VWA8: variants seen among roughly 807,000 people sequenced by gnomAD.
The protein encoded by VWA8 is von Willebrand factor A domain containing 8, also known as von Willebrand factor A domain-containing protein 8.
VWA8 carries 221 observed loss-of-function variants against 241.5 expected under a neutral mutation model. The observed-to-expected ratio is 0.91, with a 90% confidence interval of 0.82 to 1.02. The LOEUF (loss-of-function observed/expected upper bound fraction) is 1.02, where lower values mean the gene tolerates loss of function less well. VWA8 is among the 50% of genes least tolerant of loss of function. The pLI, the probability that VWA8 is intolerant of heterozygous loss-of-function variation, is 0.00. For missense variants in VWA8, 2,322 were observed against 2,328.7 expected (o/e 1.00, Z 0.06); for synonymous variants, 852 against 827.1 (o/e 1.03, Z -0.52).
intron 17 of VWA8, among the ~76,000 whole-genome samples, chr13:41,796,234 T>G (rs1012243531): frequency 6.6e-6 from 1 of 152,182 alleles, no homozygotes; most frequent in East Asian, 1.9e-4. Flanking sequence ...AATTTCTATG[T>G]TTTCACCATT....
chr13:41,854,495 T>A (rs1872660102), intron 12 of VWA8, among the ~76,000 whole-genome samples: 2 of 149,698 alleles, frequency 1.3e-5, no homozygotes, highest in African/African-American at 2.4e-5. Flanking sequence ...TTATATTTAT[T>A]TTTATTTTAT....
intron 3 of VWA8, 103 bp from the exon 4 acceptor site, chr13:41,907,799 T>G: frequency 1.1e-6 from 1 of 917,650 alleles, no homozygotes. Flanking sequence ...AGAAGTGCAT[T>G]GTTAAACCTA....
chr13:41,828,001 T>A (rs566541995), intron 14 of VWA8, among the ~76,000 whole-genome samples: 35 of 152,344 alleles, frequency 2.3e-4, no homozygotes, highest in Middle Eastern at 3.4e-3. Flanking sequence ...TGACCCGTGA[T>A]TCACATGCAA....
chr13:41,715,382 T>G (rs1555324669), intron 26 of VWA8, among the ~76,000 whole-genome samples: 1 of 152,012 alleles, frequency 6.6e-6, no homozygotes, highest in Non-Finnish European at 1.5e-5. Context: ...GAGCGACATA[T>G]AAATTTAAGA....
chr13:41,879,376 C>T (rs1021403862), intron 9 of VWA8, among the ~76,000 whole-genome samples: 15 of 95,996 alleles, frequency 1.6e-4, no homozygotes, highest in African/African-American at 4.9e-4. Flanking sequence ...CTCATACATA[C>T]ACACATACAC....
chr13:41,573,474 T>TAA lies in VWA8; in HGVS notation c.5370+2264_5370+2265dup, dbSNP rs543021636. ...CTAGCACAACAGGGTGGCTATAGTT[T>TAA]AAAAAAAAAAAAATATATATATATA... is the stretch of plus-strand genomic sequence containing the variant. On this transcript the variant is annotated intron_variant, in intron 43 of 44. Transcript: ENST00000379310. Among the ~76,000 whole-genome samples, 138 of 126,706 alleles carry TAA rather than the reference T, an allele frequency of 1.1e-3. 2 individuals are homozygous for TAA. Among genetic ancestry groups the TAA allele is most frequent in the East Asian group, 6.9e-3 (32 of 4,610 alleles). 83.1% of individuals were successfully genotyped at this position (126,706 alleles called of 152,430 possible).
At position 41,699,184 on chromosome 13, in the gene VWA8, C is replaced by G. The variant is rs76787766; in HGVS notation, c.3451G>C (p.Val1151Leu). 2.5e-6 allele frequency: 4 copies of G among 1,613,816 alleles called. No homozygotes were observed. The African/African-American group carries it at 5.3e-5, about 22-fold the overall frequency. The change falls in exon 29 of 45, where the codon GTG becomes CTG. Residue 1151 changes from valine (V) to leucine (L), a missense_variant. Coordinates refer to ENST00000379310, the MANE Select transcript of VWA8 (RefSeq NM_015058.2). ...CTTGGGAAGATATCAAAAAAGTCCA[C>G]AAAGAAGCCACTTTTCCCAGTCATA... ...MNMTGKSGFF[V>L]DFFDIFPRTA...
chr13:41,953,122 T>C (rs1158663284), intron 1 of VWA8, among the ~76,000 whole-genome samples: 1 of 152,242 alleles, frequency 6.6e-6, no homozygotes, highest in Non-Finnish European at 1.5e-5. Context: ...TTAATAGCTT[T>C]AAGTAGCTCT....
chr13:41,801,102 T>C (rs1459171606), intron 17 of VWA8, among the ~76,000 whole-genome samples: 1 of 152,036 alleles, frequency 6.6e-6, no homozygotes, highest in African/African-American at 2.4e-5. Context: ...GTATTTTTAA[T>C]TTCTTAGATC....
chr13:41,882,664 C>T (rs1306221055), intron 9 of VWA8, among the ~76,000 whole-genome samples: 1 of 152,170 alleles, frequency 6.6e-6, no homozygotes. Flanking sequence ...ACCAGTCAGG[C>T]GTGGCGTCGC....
At chr13:41,815,891 G>A (rs937479896) in intron 16 of VWA8, among the ~76,000 whole-genome samples, 1 of 152,168 alleles carries the variant, frequency 6.6e-6, no homozygotes, top group African/African-American at 2.4e-5. Context: ...GAGAACAGAT[G>A]AGACATCAAG....
At chr13:41,678,194 C>T (rs2045073717) in intron 35 of VWA8, among the ~76,000 whole-genome samples, 1 of 152,144 alleles carries the variant, frequency 6.6e-6, no homozygotes, top group East Asian at 1.9e-4. Context: ...CAGAGCTAGG[C>T]ATGGGTTGTC....
At chr13:41,602,967 T>C (rs1003457604) in intron 40 of VWA8, among the ~76,000 whole-genome samples, 2 of 152,184 alleles carry the variant, frequency 1.3e-5, no homozygotes, top group African/African-American at 4.8e-5. Flanking sequence ...AAATTGCTTT[T>C]ATCTTCTTTC....
At chr13:41,665,343 G>T (rs925436880) in intron 37 of VWA8, among the ~76,000 whole-genome samples, 4 of 152,114 alleles carry the variant, frequency 2.6e-5, no homozygotes, top group Admixed American at 2.0e-4. Flanking sequence ...AGAAAGTGAG[G>T]CTTTGAAAGA....
intron 9 of VWA8, among the ~76,000 whole-genome samples, 183 bp from the exon 10 acceptor site, chr13:41,868,660 C>T (rs1438411510): frequency 2.6e-5 from 4 of 151,744 alleles, no homozygotes; most frequent in Non-Finnish European, 1.5e-5. Context: ...CCAAGGCGGG[C>T]GGATCAGAGG....
intron 27 of VWA8, 83 bp from the exon 28 acceptor site, chr13:41,701,613 C>CT (rs1405833547): frequency 1.5e-6 from 2 of 1,308,264 alleles, no homozygotes; most frequent in Non-Finnish European, 2.0e-6. Flanking sequence ...AAAATATAAA[C>CT]TTTAACATTC....
chr13:41,924,780 A>G (rs1330234846), intron 2 of VWA8, among the ~76,000 whole-genome samples: 1 of 149,860 alleles, frequency 6.7e-6, no homozygotes, highest in African/African-American at 2.5e-5. Context: ...TTTTAATTAT[A>G]CTTTAAGTTC....
Position 41,883,421 on chromosome 13 carries a change from T to G in VWA8, c.1046A>C (p.His349Pro). 1 of 1,613,642 alleles carries G rather than the reference T, an allele frequency of 6.2e-7. No individual in the cohort carries two copies. The highest frequency in any genetic ancestry group is 1.1e-5 in the South Asian group (1 of 91,070). The stretch of plus-strand genomic sequence containing the variant: ...ACCTTCCACAGCCATCTTCCCTTCA[T>G]GACCTAGTAAAATACTATATGGATA... ...WLYPYSILLG[H>P]EGKMAVEGVL... The change falls in exon 9 of 45, where the codon CAT becomes CCT. Residue 349 changes from histidine (H) to proline (P), a missense_variant. By Grantham distance (77) the His-to-Pro change is moderately conservative. Coordinates refer to ENST00000379310, the MANE Select transcript of VWA8 (RefSeq NM_015058.2).
chr13:41,581,518 T>C (rs1445133118), intron 42 of VWA8, among the ~76,000 whole-genome samples: 1 of 152,212 alleles, frequency 6.6e-6, no homozygotes, highest in Non-Finnish European at 1.5e-5. Context: ...GCATTATCTA[T>C]ACATGTGAAA....
Sources: allele counts gnomAD v4.1 joint callset (sites outside exome capture counted in the v4.1 genomes callset), GRCh38; gene constraint gnomAD v4.1.1; transcripts MANE v1.5; gene names NCBI Gene and HGNC (gene_info 2026-07-23, HGNC 2026-07-21).